The following AAMDC variants were observed in gnomAD, a reference collection of about 807,000 sequenced individuals.
AAMDC encodes adipogenesis associated Mth938 domain containing, also known as mth938 domain-containing protein.
In AAMDC, 16 loss-of-function variants were observed where a neutral mutation model predicts 15.5. The observed-to-expected ratio is 1.03, with a 90% CI of 0.70 to 1.57. The LOEUF (loss-of-function observed/expected upper bound fraction) is 1.57. Ranked by LOEUF, AAMDC falls within the 40% of genes most tolerant of loss-of-function variation. The pLI, the probability that AAMDC is intolerant of heterozygous loss-of-function variation, is 0.00. For missense variants in AAMDC, 141 were observed against 144.9 expected (o/e 0.97, Z 0.14); for synonymous variants, 51 against 51.6 (o/e 0.99, Z 0.05).
At chr11:77,905,168 C>T (rs998608470), downstream of AAMDC, among the ~76,000 whole-genome samples, 10 of 151,900 alleles carry the variant, frequency 6.6e-5, no homozygotes, top group Non-Finnish European at 1.2e-4. Flanking sequence ...ATACTTAAGA[C>T]GAAATGGGCT....
intron 2 of AAMDC, among the ~76,000 whole-genome samples, chr11:77,853,945 A>T (rs1296400516): frequency 1.3e-5 from 2 of 151,890 alleles, no homozygotes; most frequent in Non-Finnish European, 2.9e-5. Flanking sequence ...CGTCTCAAAA[A>T]AATAAACAAA....
At position 77,872,327 on chromosome 11, in the gene AAMDC, G is replaced by A. The variant is rs1355941175; in HGVS notation, c.*12G>A. 6 of 1,608,014 alleles carry A rather than the reference G, an allele frequency of 3.7e-6. No homozygotes were observed. Among genetic ancestry groups the A allele is most frequent in the African/African-American group, 1.3e-5 (1 of 74,802 alleles). ...ATTCCACCTGCTGATGGAGCCTTAAGAGGAGAATAAATCACTAAGTGCCTA... is the reference window on the plus strand; with the variant it reads ...ATTCCACCTGCTGATGGAGCCTTAAAAGGAGAATAAATCACTAAGTGCCTA... On this transcript the variant is annotated 3_prime_UTR_variant, in exon 4 of 4. Coordinates refer to ENST00000393427, the MANE Select transcript of AAMDC (RefSeq NM_024684.4).
chr11:77,902,188 A>T (rs1221668493), downstream of AAMDC, among the ~76,000 whole-genome samples: 1 of 152,190 alleles, frequency 6.6e-6, no homozygotes, highest in Non-Finnish European at 1.5e-5. Context: ...AATTGGCAAT[A>T]AGACAAGTTA....
At chr11:77,850,815 C>T (rs976565063) in intron 2 of AAMDC, 4 of 151,854 alleles carry the variant, frequency 2.6e-5, no homozygotes, top group African/African-American at 9.7e-5. Flanking sequence ...CATACACTCA[C>T]ACTTTGTCCC....
chr11:77,846,824 C>G (rs1383257984), intron 2 of AAMDC, among the ~76,000 whole-genome samples: 1 of 152,128 alleles, frequency 6.6e-6, no homozygotes, highest in Non-Finnish European at 1.5e-5. Flanking sequence ...GTCTTGTATT[C>G]TAAGTTGACA....
At chr11:77,856,203 C>T (rs995597208) in intron 2 of AAMDC, among the ~76,000 whole-genome samples, 3 of 152,200 alleles carry the variant, frequency 2.0e-5, no homozygotes, top group Non-Finnish European at 4.4e-5. Flanking sequence ...GGCAGGGGCA[C>T]AATGCCCCCA....
chr11:77,854,520 A>C (rs1368840359), intron 2 of AAMDC, among the ~76,000 whole-genome samples: 2 of 152,254 alleles, frequency 1.3e-5, no homozygotes, highest in Admixed American at 6.5e-5. Context: ...GAAACCCAGC[A>C]GGGCAGTAAT....
chr11:77,868,501 G>C (rs989743208), intron 2 of AAMDC, among the ~76,000 whole-genome samples: 11 of 151,718 alleles, frequency 7.3e-5, no homozygotes, highest in African/African-American at 2.7e-4. Context: ...TGGGACTACA[G>C]GCACGCGCCA....
downstream of AAMDC, among the ~76,000 whole-genome samples, chr11:77,873,840 A>G (rs1951522819): frequency 6.6e-6 from 1 of 152,214 alleles, no homozygotes; most frequent in Non-Finnish European, 1.5e-5. Flanking sequence ...TTTTAACTAG[A>G]CATTTACTAG....
downstream of AAMDC, among the ~76,000 whole-genome samples, chr11:77,901,911 C>T (rs932481563): frequency 7.2e-5 from 11 of 151,796 alleles, no homozygotes; most frequent in Non-Finnish European, 2.9e-5. Flanking sequence ...AACCCAATCC[C>T]CACAAAGTCC....
At chr11:77,830,581 C>T (rs1028461791) in intron 1 of AAMDC, among the ~76,000 whole-genome samples, 2 of 151,034 alleles carry the variant, frequency 1.3e-5, no homozygotes, top group Non-Finnish European at 2.9e-5. Context: ...GTGCCCCCGA[C>T]CCCTTCTTCC....
intron 2 of AAMDC, among the ~76,000 whole-genome samples, chr11:77,864,532 G>GA (rs1951024948): frequency 6.6e-6 from 1 of 152,158 alleles, no homozygotes; most frequent in African/African-American, 2.4e-5. Flanking sequence ...TATATTATGT[G>GA]AAAAAATGCA....
intron 2 of AAMDC, chr11:77,866,620 A>G (rs958382268): frequency 6.6e-6 from 1 of 152,118 alleles, no homozygotes; most frequent in African/African-American, 2.4e-5. Flanking sequence ...CCAGAGGATT[A>G]TGGGTTTGTA....
At chr11:77,824,984 G>A (rs1190207372) in intron 1 of AAMDC, among the ~76,000 whole-genome samples, 2 of 151,748 alleles carry the variant, frequency 1.3e-5, no homozygotes, top group Non-Finnish European at 2.9e-5. Flanking sequence ...TTTTGTTGTT[G>A]TTGTTTTTCT....
chr11:77,845,566 G>C (rs1295119317), intron 2 of AAMDC, among the ~76,000 whole-genome samples: 1 of 151,992 alleles, frequency 6.6e-6, no homozygotes, highest in Non-Finnish European at 1.5e-5. Flanking sequence ...GTGTAGCTGG[G>C]ATTACAGGTG....
intron 5 of AAMDC, among the ~76,000 whole-genome samples, chr11:77,880,870 G>A (rs190606990): frequency 9.2e-5 from 14 of 152,234 alleles, no homozygotes; most frequent in South Asian, 6.2e-4. Flanking sequence ...ACTTGAGCCC[G>A]AGAGGATCAC....
chr11:77,887,132 A>T (rs1385497262), intron 5 of AAMDC, among the ~76,000 whole-genome samples: 1 of 152,008 alleles, frequency 6.6e-6, no homozygotes, highest in African/African-American at 2.4e-5. Flanking sequence ...GACACAAAAA[A>T]CCCTTCAAAA....
chr11:77,863,021 T>C (rs577577148), intron 2 of AAMDC, among the ~76,000 whole-genome samples: 1 of 152,138 alleles, frequency 6.6e-6, no homozygotes, highest in East Asian at 1.9e-4. Context: ...GCTCCTAATG[T>C]GGTGGTGGGC....
chr11:77,840,309 A>G (rs1366161986), intron 1 of AAMDC, among the ~76,000 whole-genome samples: 1 of 152,156 alleles, frequency 6.6e-6, no homozygotes, highest in Non-Finnish European at 1.5e-5. Context: ...CAGGTGGATC[A>G]CCTGAGGTCA....
Sources: gnomAD v4.1 joint callset for allele counts (sites outside exome capture counted in the v4.1 genomes callset) on GRCh38, gnomAD v4.1.1 for gene constraint, MANE v1.5 for transcripts, NCBI Gene and HGNC (gene_info 2026-07-23, HGNC 2026-07-21) for gene names.